The following LRFN2 variants were observed in gnomAD, a reference collection of about 807,000 sequenced individuals.
LRFN2 encodes leucine-rich repeat and fibronectin type-III domain-containing protein 2.
LRFN2 carries 18 observed loss-of-function variants against 37.3 expected under a neutral mutation model. The observed-to-expected ratio is 0.48, with a 90% CI of 0.33 to 0.72. The LOEUF (loss-of-function observed/expected upper bound fraction) is 0.72. Ranked by LOEUF, LRFN2 falls within the 30% of genes least tolerant of loss-of-function variation. LRFN2 has a pLI of 0.02. For missense variants in LRFN2, 1,006 were observed against 1,060.7 expected (o/e 0.95, Z 0.72); for synonymous variants, 556 against 466.6 (o/e 1.19, Z -2.47).
rs1455482588 is a variant in LRFN2, at chr6:40,392,531, G to A, written c.1782C>T (p.Ala594=). 2 of 1,568,870 alleles carry A rather than the reference G, an allele frequency of 1.3e-6. No individual in the cohort carries two copies. Among genetic ancestry groups the A allele is most frequent in the Admixed American group, 1.8e-5 (1 of 54,716 alleles). The change falls in exon 3 of 3, where the codon GCC becomes GCT. Residue 594 remains alanine (A), a synonymous_variant. Coordinates refer to ENST00000338305, the MANE Select transcript of LRFN2 (RefSeq NM_020737.3). The surrounding 1 kb of genome is among the most constrained non-coding windows in gnomAD (Gnocchi z 4.7). ...CCACCTTCGGCGGGCCCTGCGGCGG[G>A]GCCCCGGCTGGTGCGCTGCTTGGAG... is the stretch of plus-strand genomic sequence containing the variant. ...PPPPSSAPAG[A]PPQGPPKVVV...
intron 1 of LRFN2, among the ~76,000 whole-genome samples, chr6:40,479,649 A>T: frequency 6.6e-6 from 1 of 152,166 alleles, no homozygotes; most frequent in African/African-American, 2.4e-5. Flanking sequence ...GTGAAGGAAG[A>T]TCCTCAATTT....
At chr6:40,498,138 G>A (rs1372512611) in intron 1 of LRFN2, among the ~76,000 whole-genome samples, 3 of 152,162 alleles carry the variant, frequency 2.0e-5, no homozygotes, top group South Asian at 2.1e-4. Context: ...CGTGTCCACC[G>A]AAAGGCTCTG....
At chr6:40,450,027 G>A in intron 1 of LRFN2, among the ~76,000 whole-genome samples, 1 of 152,200 alleles carries the variant, frequency 6.6e-6, no homozygotes, top group South Asian at 2.1e-4. Flanking sequence ...AATGGATACA[G>A]TAGGCAGAAG....
intron 1 of LRFN2, among the ~76,000 whole-genome samples, chr6:40,443,499 A>G (rs1763893697): frequency 6.6e-6 from 1 of 152,110 alleles, no homozygotes; most frequent in African/African-American, 2.4e-5. Context: ...CCTATATGCC[A>G]TCTTATCCCC....
rs61731039 is a variant in LRFN2, at chr6:40,433,084, C to T, written c.30G>A (p.Ala10=). METLLGGLL[A]FGMAFAVVDA... Reference sequence around the variant, plus strand: ...CGACCACGGCAAACGCCATGCCAAACGCTAGCAGGCCACCAAGCAGGGTCT... The same window carrying T: ...CGACCACGGCAAACGCCATGCCAAATGCTAGCAGGCCACCAAGCAGGGTCT... The change falls in exon 2 of 3, where the codon GCG becomes GCA. Residue 10 remains alanine, a synonymous_variant. Coordinates refer to ENST00000338305, the MANE Select transcript of LRFN2 (RefSeq NM_020737.3). The T allele has an allele frequency of 0.01, 15,301 of 1,527,208 alleles. 1,045 individuals are homozygous for T. In the African/African-American group the frequency reaches 0.16, roughly 16 times the overall value. 94.6% of individuals were successfully genotyped at this position (1,527,208 alleles called of 1,614,324 possible). A position where few individuals can be genotyped will look rare whatever the true frequency, so the allele number is the denominator to read the frequency against.
intron 1 of LRFN2, among the ~76,000 whole-genome samples, chr6:40,538,488 G>A (rs1365120197): frequency 6.6e-6 from 1 of 152,220 alleles, no homozygotes; most frequent in Non-Finnish European, 1.5e-5. Flanking sequence ...GCTGGCTTAA[G>A]AAGAGAAATC....
chr6:40,533,990 T>C lies in LRFN2; in HGVS notation c.-19+52951A>G, dbSNP rs75916260. On this transcript the variant is annotated intron_variant, in intron 1 of 2. Coordinates refer to ENST00000338305, the MANE Select transcript of LRFN2 (RefSeq NM_020737.3). ...CCAAGTTCTTCACATGGACTAGCCA[T>C]TTAATTCTCATGTCATAGGCACTGT... is the stretch of plus-strand genomic sequence containing the variant. 9.2e-5 allele frequency among the ~76,000 whole-genome samples: 14 copies of C among 152,324 alleles called. No homozygotes were observed. The East Asian group carries it at 2.7e-3, about 29-fold the overall frequency.
chr6:40,447,251 T>C (rs1047424659), intron 1 of LRFN2, among the ~76,000 whole-genome samples: 1 of 152,236 alleles, frequency 6.6e-6, no homozygotes, highest in Non-Finnish European at 1.5e-5. Flanking sequence ...ACCAACCTTC[T>C]CATTAACCTC....
rs141087654 is a variant in LRFN2, at chr6:40,463,564, G to A, written c.-18-30433C>T. 4.7e-4 allele frequency among the ~76,000 whole-genome samples: 71 copies of A among 152,058 alleles called. No homozygotes were observed. In the East Asian group the frequency reaches 0.011, roughly 24 times the overall value. ...CCACATTCCTGCCCAGCTCTTTAGC[G>A]GAATCTCTACCCTTCTCTGCCCAGA... On this transcript the variant is annotated intron_variant, in intron 1 of 2. Transcript: ENST00000338305.
Position 40,432,126 on chromosome 6 carries a change from C to T in LRFN2, c.988G>A (p.Val330Ile), listed in dbSNP as rs1763510623. 2 of 1,613,788 alleles carry T rather than the reference C, an allele frequency of 1.2e-6. No homozygotes were observed. The highest frequency in any genetic ancestry group is 8.5e-7 in the Non-Finnish European group (1 of 1,179,936). Residue 330 changes from valine to isoleucine, a missense_variant, in exon 2 of 3, where the codon GTA becomes ATA. By Grantham distance (29) the Val-to-Ile change is conservative (BLOSUM62 3). This residue lies in a region of LRFN2 where 303 missense variants were observed against 299.8 expected (regional missense o/e 1.01). Coordinates refer to ENST00000338305, the MANE Select transcript of LRFN2 (RefSeq NM_020737.3). ...ACAGCGGTCCTTGAGGAGTTCCCTA[C>T]CAGGCGGTCATCGGGGGCTACCCAG... ...IHWVAPDDRL[V>I]GNSSRTAVYD...
At chr6:40,541,730 C>T (rs205513) in intron 1 of LRFN2, among the ~76,000 whole-genome samples, 3 of 152,010 alleles carry the variant, frequency 2.0e-5, no homozygotes, top group South Asian at 4.1e-4. Flanking sequence ...AGCTGCCGCC[C>T]GTGGGAATGT....
chr6:40,475,615 G>A (rs72852018), intron 1 of LRFN2, among the ~76,000 whole-genome samples: 2,553 of 152,258 alleles, frequency 0.017, 32 homozygotes, highest in Middle Eastern at 0.041. Flanking sequence ...ATGAGGCTGA[G>A]GAAGGGAGCC....
intron 2 of LRFN2, among the ~76,000 whole-genome samples, chr6:40,415,344 G>GC (rs925145091): frequency 2.7e-5 from 4 of 149,906 alleles, no homozygotes; most frequent in African/African-American, 9.7e-5. Flanking sequence ...TCCTGCCTCA[G>GC]CCCCCCAAGT....
intron 1 of LRFN2, among the ~76,000 whole-genome samples, chr6:40,465,332 A>T (rs1764435021): frequency 6.6e-6 from 1 of 152,170 alleles, no homozygotes; most frequent in Non-Finnish European, 1.5e-5. Context: ...TTGTTATTTT[A>T]AGCTATCAAT....
intron 1 of LRFN2, among the ~76,000 whole-genome samples, chr6:40,549,910 C>T (rs1766738272): frequency 6.6e-6 from 1 of 151,998 alleles, no homozygotes; most frequent in Non-Finnish European, 1.5e-5. Context: ...CATGGTGGTG[C>T]TTGCCTGTAG....
intron 1 of LRFN2, among the ~76,000 whole-genome samples, chr6:40,536,484 A>C (rs1427605602): frequency 1.3e-5 from 2 of 152,186 alleles, no homozygotes; most frequent in Non-Finnish European, 2.9e-5. Flanking sequence ...GAAGGTCTGA[A>C]ATTTCCTTAG....
At chr6:40,489,797 C>A (rs1447328041) in intron 1 of LRFN2, among the ~76,000 whole-genome samples, 1 of 152,144 alleles carries the variant, frequency 6.6e-6, no homozygotes, top group Non-Finnish European at 1.5e-5. Context: ...GGCTGACCCA[C>A]CTGTCCTCCC....
chr6:40,566,775 C>A (rs1000931742), intron 1 of LRFN2, among the ~76,000 whole-genome samples: 4 of 151,574 alleles, frequency 2.6e-5, no homozygotes, highest in Admixed American at 6.6e-5. Flanking sequence ...AGGAGATATA[C>A]CTAATGCTAA....
At chr6:40,483,356 C>T (rs562655771) in intron 1 of LRFN2, among the ~76,000 whole-genome samples, 4 of 152,288 alleles carry the variant, frequency 2.6e-5, no homozygotes, top group Admixed American at 1.3e-4. Flanking sequence ...CCCACTATTG[C>T]GCTGGCAGAG....
Sources: allele counts gnomAD v4.1 joint callset (sites outside exome capture counted in the v4.1 genomes callset), GRCh38; gene constraint gnomAD v4.1.1; regional missense constraint gnomAD v4.1.1; non-coding constraint Gnocchi (gnomAD v3.1); transcripts MANE v1.5; gene names NCBI Gene and HGNC (gene_info 2026-07-23, HGNC 2026-07-21).